The following RREB1 variants were observed in gnomAD, a reference collection of about 807,000 sequenced individuals.
RREB1 encodes the protein ras-responsive element-binding protein 1.
Under a neutral mutation model 117.8 loss-of-function variants are expected in RREB1, and 27 were observed. That is an observed-to-expected ratio of 0.23 (90% CI 0.17 to 0.32). The LOEUF (loss-of-function observed/expected upper bound fraction) is 0.32. Ranked by LOEUF, RREB1 falls within the 10% of genes least tolerant of loss-of-function variation. RREB1 has a pLI of 1.00. For missense variants in RREB1, 2,577 were observed against 2,378.2 expected, an observed-to-expected ratio of 1.08 and a Z score of -1.74; for synonymous variants, 1,298 against 1,026.7, an observed-to-expected ratio of 1.26 and a Z score of -5.05.
intron 6 of RREB1, among the ~76,000 whole-genome samples, chr6:7,202,845 A>G (rs757757169): frequency 3.3e-5 from 5 of 152,192 alleles, no homozygotes; most frequent in Admixed American, 1.3e-4. Context: ...TTATAGCTCT[A>G]TGTTAATGAG....
chr6:7,137,979 CACTT>C (rs1309511853), intron 1 of RREB1, among the ~76,000 whole-genome samples: 3 of 152,180 alleles, frequency 2.0e-5, no homozygotes, highest in African/African-American at 7.2e-5. Flanking sequence ...CCTCCTCACT[CACTT>C]ACGCCTAGTC....
intron 1 of RREB1, among the ~76,000 whole-genome samples, chr6:7,164,463 T>C (rs1763826818): frequency 6.6e-6 from 1 of 152,224 alleles, no homozygotes; most frequent in East Asian, 1.9e-4. Flanking sequence ...AATCATTTTC[T>C]GAATGCATTA....
chr6:7,236,887 G>T (rs1272742875), intron 10 of RREB1, among the ~76,000 whole-genome samples: 3 of 63,422 alleles, frequency 4.7e-5, no homozygotes, highest in Non-Finnish European at 8.0e-5. Context: ...GTTTTTGGAG[G>T]TTTTTTTTTT....
chr6:7,144,187 AAAT>A (rs1362687290), intron 1 of RREB1, among the ~76,000 whole-genome samples: 3 of 152,182 alleles, frequency 2.0e-5, no homozygotes, highest in African/African-American at 4.8e-5. Context: ...CTTTATGCAC[AAAT>A]AATGTTTTCA....
At chr6:7,204,097 A>G (rs1280817040) in intron 6 of RREB1, among the ~76,000 whole-genome samples, 1 of 152,208 alleles carries the variant, frequency 6.6e-6, no homozygotes, top group African/African-American at 2.4e-5. Flanking sequence ...GGCTGACTTT[A>G]GATTTTTCTA....
chr6:7,221,801 G>A (rs1024510195), intron 8 of RREB1, among the ~76,000 whole-genome samples: 2 of 152,208 alleles, frequency 1.3e-5, no homozygotes, highest in Non-Finnish European at 1.5e-5. Flanking sequence ...TAGTAAGGAC[G>A]ATTGTGAAGT....
At chr6:7,138,774 G>A (rs1311131869) in intron 1 of RREB1, among the ~76,000 whole-genome samples, 1 of 152,172 alleles carries the variant, frequency 6.6e-6, no homozygotes, top group Non-Finnish European at 1.5e-5. Flanking sequence ...TGTTTCATGG[G>A]AGCAATTAGA....
intron 1 of RREB1, among the ~76,000 whole-genome samples, chr6:7,158,235 G>A (rs1251067221): frequency 6.6e-6 from 1 of 152,010 alleles, no homozygotes; most frequent in Non-Finnish European, 1.5e-5. Flanking sequence ...CTTCCTTTCT[G>A]CCCTTTCCAT....
rs868372745 is a variant in RREB1, at chr6:7,246,600, C to G, written c.4150C>G (p.Arg1384Gly). The change falls in exon 12 of 13, where the codon CGT becomes GGT. Residue 1384 changes from arginine (R) to glycine (G), a missense_variant. Physicochemically the swap from Arg to Gly is moderately radical, Grantham distance 125. Coordinates refer to ENST00000379938, the MANE Select transcript of RREB1 (RefSeq NM_001003699.4). ...ASPVHREEHG[R>G]GESHEPEEEH... Reference sequence around the variant, plus strand: ...GCCGGTGCACCGGGAAGAGCACGGGCGTGGGGAGAGCCATGAGCCGGAGGA... The same window carrying G: ...GCCGGTGCACCGGGAAGAGCACGGGGGTGGGGAGAGCCATGAGCCGGAGGA... 1.2e-5 allele frequency: 18 copies of G among 1,558,016 alleles called. No individual in the cohort carries two copies. Among genetic ancestry groups the G allele is most frequent in the Admixed American group, 1.9e-5 (1 of 51,874 alleles).
chr6:7,127,620 C>T (rs1016177786), intron 1 of RREB1, among the ~76,000 whole-genome samples: 2 of 152,140 alleles, frequency 1.3e-5, no homozygotes, highest in Admixed American at 1.3e-4. Context: ...ACAATGTATT[C>T]CTCGTAACCA....
intron 8 of RREB1, among the ~76,000 whole-genome samples, chr6:7,222,654 G>A (rs1230528931): frequency 6.6e-6 from 1 of 152,144 alleles, no homozygotes; most frequent in African/African-American, 2.4e-5. Context: ...GAGACAAAAA[G>A]AAACCTCAAT....
chr6:7,171,756 G>T (rs1764221412), intron 1 of RREB1, among the ~76,000 whole-genome samples: 1 of 152,140 alleles, frequency 6.6e-6, no homozygotes, highest in Non-Finnish European at 1.5e-5. Flanking sequence ...ACGAGCCATG[G>T]GTCAGTGGGA....
Position 7,129,199 on chromosome 6 carries a change from C to T in RREB1, c.-285+21139C>T, listed in dbSNP as rs114311158. Among the ~76,000 whole-genome samples the T allele has an allele frequency of 9.8e-3, 1,493 of 152,270 alleles. 28 individuals are homozygous for T. The highest frequency in any genetic ancestry group is 0.035 in the African/African-American group (1,434 of 41,536). Reference sequence around the variant, plus strand: ...AGAAGCTCGCAGGAGTGGGTCTGCACTTCTAGGAAAAGCACAAGTAGGGGC... The same window carrying T: ...AGAAGCTCGCAGGAGTGGGTCTGCATTTCTAGGAAAAGCACAAGTAGGGGC... On this transcript the variant is annotated intron_variant, in intron 1 of 12. Transcript: ENST00000379938.
At chr6:7,144,069 CT>C (rs11322929) in intron 1 of RREB1, among the ~76,000 whole-genome samples, 21,468 of 148,572 alleles carry the variant, frequency 0.14, 1,659 homozygotes, top group African/African-American at 0.19. Context: ...GTTTTGCACA[CT>C]TTTTTTTTTA....
chr6:7,191,236 A>G (rs72816948), intron 6 of RREB1, among the ~76,000 whole-genome samples: 79 of 151,428 alleles, frequency 5.2e-4, no homozygotes, highest in Non-Finnish European at 1.0e-3. Context: ...TTTTTTTTAC[A>G]TCTTACGGTA....
intron 1 of RREB1, among the ~76,000 whole-genome samples, chr6:7,168,493 G>T (rs1764066747): frequency 1.3e-5 from 2 of 152,200 alleles, no homozygotes; most frequent in Middle Eastern, 3.4e-3. Flanking sequence ...TTAACTAGTG[G>T]TTACCCACCC....
chr6:7,187,322 C>T (rs146036244), intron 4 of RREB1, 112 bp from the exon 5 acceptor site: 11 of 514,978 alleles, frequency 2.1e-5, no homozygotes, highest in Middle Eastern at 3.0e-4. Flanking sequence ...GGTTCTGGAG[C>T]CCATGCTCTC....
chr6:7,198,743 T>C (rs1002200350), intron 6 of RREB1, among the ~76,000 whole-genome samples: 3 of 152,334 alleles, frequency 2.0e-5, no homozygotes, highest in Non-Finnish European at 2.9e-5. Context: ...TGGTATAATT[T>C]AGAAAGCTTT....
chr6:7,230,039 T>G lies in RREB1; in HGVS notation c.1940T>G (p.Phe647Cys). The G allele has an allele frequency of 6.2e-7, 1 of 1,610,062 alleles. No homozygotes were observed. The highest frequency in any genetic ancestry group is 8.5e-7 in the Non-Finnish European group (1 of 1,177,180). ...AMRKVLYPCR[F>C]CNQVFAFSGV... ...CGCAAGGTGCTCTACCCCTGCCGCT[T>G]CTGCAACCAGGTGTTTGCCTTCTCG... Residue 647 changes from phenylalanine to cysteine, a missense_variant, in exon 10 of 13, where the codon TTC (phenylalanine) becomes TGC (cysteine). Physicochemically the swap from Phe to Cys is radical, Grantham distance 205. Coordinates refer to ENST00000379938, the MANE Select transcript of RREB1 (RefSeq NM_001003699.4).
Sources: allele counts gnomAD v4.1 joint callset (sites outside exome capture counted in the v4.1 genomes callset), GRCh38; gene constraint gnomAD v4.1.1; transcripts MANE v1.5; gene names NCBI Gene and HGNC (gene_info 2026-07-23, HGNC 2026-07-21).